The following PTPRJ variants were observed in gnomAD, a reference collection of about 807,000 sequenced individuals.
PTPRJ encodes receptor-type tyrosine-protein phosphatase eta.
PTPRJ carries 129 observed loss-of-function variants against 141.3 expected under a neutral mutation model. The ratio of observed to expected loss-of-function variants is 0.91; its 90% CI spans 0.79 to 1.06. PTPRJ has a LOEUF of 1.06. PTPRJ is among the 50% of genes least tolerant of loss of function. PTPRJ has a pLI of 0.00. For synonymous variants in PTPRJ, 610 were observed against 640.5 expected (o/e 0.95, Z 0.72); for missense variants, 1,601 against 1,679.7 (o/e 0.95, Z 0.82).
At chr11:48,065,236 A>G (rs936465859) in intron 1 of PTPRJ, among the ~76,000 whole-genome samples, 1 of 151,458 alleles carries the variant, frequency 6.6e-6, no homozygotes, top group Non-Finnish European at 1.5e-5. Flanking sequence ...CTGGTCTCGA[A>G]CTCCCGACCT....
chr11:48,087,002 GTAA>G lies in PTPRJ; in HGVS notation c.97-23040_97-23038del, dbSNP rs955765181. On this transcript the variant is annotated intron_variant, in intron 1 of 24. Transcript: ENST00000418331. ...AAGCACTGAGCACTTTGACTCAATA[GTAA>G]TAATAATAATAATAACACAATGTAT... is the stretch of plus-strand genomic sequence containing the variant. Among the ~76,000 whole-genome samples, 81 of 152,094 alleles carry G rather than the reference GTAA, an allele frequency of 5.3e-4. 1 individual carries two copies. The highest frequency in any genetic ancestry group is 1.7e-3 in the African/African-American group (70 of 41,506).
Position 48,168,071 on chromosome 11 carries a change from C to G in PTPRJ, c.*709C>G, listed in dbSNP as rs1237511462. 6.6e-6 allele frequency: 1 copy of G among 152,116 alleles called. No individual in the cohort carries two copies. Among genetic ancestry groups the G allele is most frequent in the East Asian group, 1.9e-4 (1 of 5,170 alleles). The allele number at this position is 152,116 out of a possible 1,614,324, so 9.4% of individuals were successfully genotyped here. A position where few individuals can be genotyped will look rare whatever the true frequency, so the allele number is the denominator to read the frequency against. On this transcript the variant is annotated 3_prime_UTR_variant, in exon 25 of 25. Coordinates refer to ENST00000418331, the MANE Select transcript of PTPRJ (RefSeq NM_002843.4). The stretch of plus-strand genomic sequence containing the variant: ...GCCCCGACTCCGCTTCCCCTGCCCC[C>G]TGTACATTTGTGCTCCATTTTTTCT...
At chr11:48,039,314 C>T (rs1854211246) in intron 1 of PTPRJ, among the ~76,000 whole-genome samples, 1 of 150,540 alleles carries the variant, frequency 6.6e-6, no homozygotes, top group Non-Finnish European at 1.5e-5. Flanking sequence ...CAGGCAGTGG[C>T]AAAACCTGCG....
At chr11:48,067,311 A>G (rs779270395) in intron 1 of PTPRJ, among the ~76,000 whole-genome samples, 1 of 152,314 alleles carries the variant, frequency 6.6e-6, no homozygotes, top group Middle Eastern at 3.4e-3. Context: ...AATGGGGGGA[A>G]GGAAAGGAAA....
intron 1 of PTPRJ, among the ~76,000 whole-genome samples, chr11:48,007,187 G>A (rs1386723226): frequency 6.6e-6 from 1 of 151,458 alleles, no homozygotes; most frequent in Non-Finnish European, 1.5e-5. Flanking sequence ...TGCAAGCTCC[G>A]CCTCCCGGGT....
At chr11:48,120,959 C>A (rs1159449559) in intron 3 of PTPRJ, 44 bp from the exon 4 acceptor site, 3 of 1,479,032 alleles carry the variant, frequency 2.0e-6, no homozygotes, top group African/African-American at 1.4e-5. Flanking sequence ...TCTTACATTT[C>A]TTTTTGAAGT....
chr11:48,052,840 C>T (rs1854610604), intron 1 of PTPRJ, among the ~76,000 whole-genome samples: 1 of 151,786 alleles, frequency 6.6e-6, no homozygotes, highest in Non-Finnish European at 1.5e-5. Context: ...AATGGAGAAA[C>T]TAGTAATGGC....
intron 1 of PTPRJ, among the ~76,000 whole-genome samples, chr11:48,081,254 C>T (rs6485806): frequency 0.63 from 95,225 of 152,170 alleles, 33,210 homozygotes; most frequent in East Asian, 0.84. Context: ...CCCCTCCTGC[C>T]GGCGACAGGT....
At position 48,145,116 on chromosome 11, in the gene PTPRJ, A is replaced by G. The variant is rs1184227310; in HGVS notation, c.2903A>G (p.Gln968Arg). 8 of 1,613,932 alleles carry G rather than the reference A, an allele frequency of 5.0e-6. No individual in the cohort carries two copies. Among genetic ancestry groups the G allele is most frequent in the Non-Finnish European group, 6.8e-6 (8 of 1,179,986 alleles). The part of the protein sequence containing the change: ...SRYSDAVSLP[Q>R]DPGVICGAVF... Reference sequence around the variant, plus strand: ...TACTCAGATGCTGTTTCCTTGCCCCAGGATCCAGGTAGGGAGAAGACAACA... The same window carrying G: ...TACTCAGATGCTGTTTCCTTGCCCCGGGATCCAGGTAGGGAGAAGACAACA... Residue 968 changes from glutamine to arginine, a missense_variant, in exon 14 of 25, where the codon CAG (glutamine) becomes CGG (arginine). By Grantham distance (43) the Gln-to-Arg change is conservative. Coordinates refer to ENST00000418331, the MANE Select transcript of PTPRJ (RefSeq NM_002843.4).
chr11:48,121,301 C>A, intron 4 of PTPRJ, 35 bp downstream of exon 4: 1 of 1,604,448 alleles, frequency 6.2e-7, no homozygotes, highest in Non-Finnish European at 8.5e-7. Flanking sequence ...GATGACAAAC[C>A]ATTTCTTATT....
At chr11:48,051,046 A>G (rs1854552893) in intron 1 of PTPRJ, among the ~76,000 whole-genome samples, 2 of 139,636 alleles carry the variant, frequency 1.4e-5, no homozygotes, top group South Asian at 2.3e-4. Flanking sequence ...CAGGACTAAT[A>G]TAGTACTTTT....
rs1853872851 is a variant in PTPRJ at position 47,980,665 on chromosome 11, C to T, written c.-248C>T. 1.0e-6 allele frequency: 1 copy of T among 986,586 alleles called. No homozygotes were observed. Among genetic ancestry groups the T allele is most frequent in the Non-Finnish European group, 1.2e-6 (1 of 831,952 alleles). The allele number at this position is 986,586 out of a possible 1,614,324, so 61.1% of individuals were successfully genotyped here. On this transcript the variant is annotated 5_prime_UTR_variant, in exon 1 of 25. Transcript: ENST00000418331. ...GCGCCGCTCGCTCCGCCCCGCGAAG[C>T]CCCTGCGCGCTCAGGGACGCGGCCC...
At chr11:48,032,313 G>A (rs1854004768) in intron 1 of PTPRJ, among the ~76,000 whole-genome samples, 1 of 152,228 alleles carries the variant, frequency 6.6e-6, no homozygotes, top group Non-Finnish European at 1.5e-5. Context: ...GAAGAGAGAA[G>A]CTGAGAAGCC....
chr11:48,084,927 A>G (rs746155935), intron 1 of PTPRJ, among the ~76,000 whole-genome samples: 20 of 152,228 alleles, frequency 1.3e-4, no homozygotes, highest in Non-Finnish European at 2.6e-4. Context: ...AAAAAACCCA[A>G]AGTGCAGTGG....
chr11:48,032,563 C>G (rs572961164), intron 1 of PTPRJ, among the ~76,000 whole-genome samples: 1 of 152,182 alleles, frequency 6.6e-6, no homozygotes, highest in South Asian at 2.1e-4. Context: ...AGTTCAAGAC[C>G]AGCCTGACCA....
At chr11:48,156,340 TCA>T (rs1327672756) in intron 21 of PTPRJ, among the ~76,000 whole-genome samples, 1 of 152,178 alleles carries the variant, frequency 6.6e-6, no homozygotes, top group African/African-American at 2.4e-5. Context: ...TGGACAAATA[TCA>T]GTGTCTTCTG....
At chr11:48,018,472 G>T (rs1053960082) in intron 1 of PTPRJ, among the ~76,000 whole-genome samples, 1 of 152,198 alleles carries the variant, frequency 6.6e-6, no homozygotes, top group Non-Finnish European at 1.5e-5. Flanking sequence ...GATTCCAGGA[G>T]ACCGAGGTTT....
chr11:48,053,458 A>AT (rs1403721744), intron 1 of PTPRJ, among the ~76,000 whole-genome samples: 11 of 116,450 alleles, frequency 9.4e-5, no homozygotes, highest in South Asian at 4.4e-4. Context: ...TATACTATAT[A>AT]TTATATATAA....
At chr11:48,060,530 G>T (rs1854891873) in intron 1 of PTPRJ, among the ~76,000 whole-genome samples, 1 of 152,176 alleles carries the variant, frequency 6.6e-6, no homozygotes, top group African/African-American at 2.4e-5. Context: ...AAAGATGCAG[G>T]TTTGATTGAA....
Sources: gnomAD v4.1 joint callset for allele counts (sites outside exome capture counted in the v4.1 genomes callset) on GRCh38, gnomAD v4.1.1 for gene constraint, MANE v1.5 for transcripts, NCBI Gene and HGNC (gene_info 2026-07-23, HGNC 2026-07-21) for gene names.